GFOD1: variants seen among roughly 807,000 people sequenced by gnomAD.
GFOD1 encodes glucose-fructose oxidoreductase domain-containing protein 1.
Under a neutral mutation model 25.4 loss-of-function variants are expected in GFOD1, and 9 were observed. The observed-to-expected ratio is 0.35, with a 90% CI of 0.21 to 0.62. GFOD1 has a LOEUF of 0.62. Among genes scored for constraint, GFOD1 ranks in the 20% least tolerant of loss-of-function variants. The probability of loss-of-function intolerance (pLI) is 0.72; values close to 1 mark genes in which losing one functional copy is unlikely to be tolerated. For synonymous variants in GFOD1, 253 were observed against 245.6 expected (o/e 1.03, Z -0.28); for missense variants, 403 against 556.9 (o/e 0.72, Z 2.78).
At chr6:13,436,881 AT>A (rs1562218782) in intron 1 of GFOD1, among the ~76,000 whole-genome samples, 2 of 152,208 alleles carry the variant, frequency 1.3e-5, no homozygotes, top group Non-Finnish European at 2.9e-5. Context: ...TTTATGTGAC[AT>A]TCTATCAAAG....
intron 1 of GFOD1, among the ~76,000 whole-genome samples, chr6:13,414,833 T>G (rs1259289718): frequency 6.6e-6 from 1 of 152,206 alleles, no homozygotes; most frequent in Non-Finnish European, 1.5e-5. Flanking sequence ...AAATTAGATT[T>G]TCTTGGGTGG....
At chr6:13,379,880 A>C (rs1490910307) in intron 1 of GFOD1, among the ~76,000 whole-genome samples, 1 of 152,164 alleles carries the variant, frequency 6.6e-6, no homozygotes, top group Non-Finnish European at 1.5e-5. Flanking sequence ...AAGTGAAATG[A>C]GGGTCAGGGG....
rs9463694 is a variant in GFOD1, at chr6:13,361,228, A to C, written c.*3515T>G. On this transcript the variant is annotated 3_prime_UTR_variant, in exon 2 of 2. Transcript: ENST00000379287. ...AATGCAATTGTCTGTTGAGAGGAGA[A>C]GTCTTGGAGGAGCTGACAGTGATCA... The C allele has an allele frequency of 0.019, 4,156 of 214,094 alleles. 70 individuals carry two copies. Among genetic ancestry groups the C allele is most frequent in the African/African-American group, 0.031 (1,322 of 42,972 alleles). 13.3% of individuals were successfully genotyped at this position (214,094 alleles called of 1,614,324 possible).
At position 13,361,378 on chromosome 6, in the gene GFOD1, G is replaced by T. The variant is rs73364951; in HGVS notation, c.*3365C>A. 6.3e-6 allele frequency: 1 copy of T among 157,510 alleles called. No individual in the cohort carries two copies. The highest frequency in any genetic ancestry group is 1.4e-5 in the Non-Finnish European group (1 of 71,104). 9.8% of individuals were successfully genotyped at this position (157,510 alleles called of 1,614,324 possible). ...AGGCCATTCGCACATTGATGGGAAC[G>T]AAACAGGCATGCAGGAACTAAATGG... On this transcript the variant is annotated 3_prime_UTR_variant, in exon 2 of 2. Transcript: ENST00000379287.
intron 1 of GFOD1, among the ~76,000 whole-genome samples, chr6:13,455,308 T>C (rs1758169281): frequency 6.6e-6 from 1 of 152,190 alleles, no homozygotes; most frequent in South Asian, 2.1e-4. Flanking sequence ...CTAAATCACC[T>C]TGGTAATTCC....
chr6:13,402,711 C>T (rs142689478), intron 1 of GFOD1, among the ~76,000 whole-genome samples: 214 of 152,184 alleles, frequency 1.4e-3, no homozygotes, highest in African/African-American at 4.9e-3. Flanking sequence ...TAATTGGAAC[C>T]CTCAAACATT....
At chr6:13,394,179 C>A (rs4715251) in intron 1 of GFOD1, among the ~76,000 whole-genome samples, 1 of 151,924 alleles carries the variant, frequency 6.6e-6, no homozygotes, top group African/African-American at 2.4e-5. Context: ...CACACATTAT[C>A]TTTTTCATAA....
At chr6:13,388,999 A>C (rs1293765331) in intron 1 of GFOD1, among the ~76,000 whole-genome samples, 1 of 152,268 alleles carries the variant, frequency 6.6e-6, no homozygotes, top group Non-Finnish European at 1.5e-5. Context: ...TGCAGCCAAC[A>C]GACACATGAA....
At chr6:13,372,647 C>A (rs1347137488) in intron 1 of GFOD1, among the ~76,000 whole-genome samples, 2 of 152,198 alleles carry the variant, frequency 1.3e-5, no homozygotes, top group Admixed American at 6.5e-5. Context: ...AGAGCAGGTA[C>A]CCGTTGCTGC....
chr6:13,478,840 G>A (rs954537624), intron 1 of GFOD1, among the ~76,000 whole-genome samples: 1 of 152,138 alleles, frequency 6.6e-6, no homozygotes, highest in African/African-American at 2.4e-5. Flanking sequence ...AGGGTTTCTG[G>A]TTTCCAGGTA....
intron 1 of GFOD1, among the ~76,000 whole-genome samples, chr6:13,407,020 T>C (rs1465441892): frequency 6.6e-6 from 1 of 152,232 alleles, no homozygotes; most frequent in Non-Finnish European, 1.5e-5. Flanking sequence ...TTCTGGCCAA[T>C]GGGATGTGAA....
chr6:13,459,343 T>C (rs6458842), intron 1 of GFOD1, among the ~76,000 whole-genome samples: 65,159 of 127,426 alleles, frequency 0.51, 18,683 homozygotes, highest in Middle Eastern at 0.71. Context: ...TTACACCTTA[T>C]ACAAAAATTA....
chr6:13,423,854 T>G (rs1011424240), intron 1 of GFOD1, among the ~76,000 whole-genome samples: 2 of 150,962 alleles, frequency 1.3e-5, no homozygotes, highest in African/African-American at 4.9e-5. Flanking sequence ...CCTTTCTTTT[T>G]GTTTGTTTTT....
chr6:13,408,174 C>A, intron 1 of GFOD1: 1 of 760,218 alleles, frequency 1.3e-6, no homozygotes, highest in Non-Finnish European at 1.6e-6. Flanking sequence ...ATAGCCTCTG[C>A]CTGATCAGAA....
chr6:13,469,923 T>C, intron 1 of GFOD1: 1 of 1,302,846 alleles, frequency 7.7e-7, no homozygotes, highest in Non-Finnish European at 1.0e-6. Flanking sequence ...AATGCTAGTT[T>C]CTCTTCTCTT....
At chr6:13,462,979 A>C (rs1199380471) in intron 1 of GFOD1, among the ~76,000 whole-genome samples, 1 of 152,254 alleles carries the variant, frequency 6.6e-6, no homozygotes, top group African/African-American at 2.4e-5. Flanking sequence ...AAGTCAGCGA[A>C]GATGGGCTGC....
At chr6:13,380,811 C>T (rs1450405514) in intron 1 of GFOD1, among the ~76,000 whole-genome samples, 5 of 152,178 alleles carry the variant, frequency 3.3e-5, no homozygotes, top group South Asian at 4.1e-4. Context: ...GGCTGAGGAT[C>T]GCTGGGAAAT....
intron 1 of GFOD1, among the ~76,000 whole-genome samples, chr6:13,435,791 A>C (rs1235274912): frequency 6.6e-6 from 1 of 152,228 alleles, no homozygotes; most frequent in African/African-American, 2.4e-5. Context: ...TTGACTAATA[A>C]ATTTGGAAAA....
rs563983210 is a variant in GFOD1, at chr6:13,434,383, T to C, written c.253+52255A>G. Reference sequence around the variant, plus strand: ...TATGGGAACACAGGAATCAAGTGCATGGCATTATGAGAACACAAATCAAGT... The same window carrying C: ...TATGGGAACACAGGAATCAAGTGCACGGCATTATGAGAACACAAATCAAGT... On this transcript the variant is annotated intron_variant, in intron 1 of 1. Transcript: ENST00000379287. Among the ~76,000 whole-genome samples the C allele has an allele frequency of 1.9e-4, 25 of 130,038 alleles. No homozygotes were observed. The East Asian group carries it at 5.3e-3, about 28-fold the overall frequency. 85.3% of individuals were successfully genotyped at this position (130,038 alleles called of 152,430 possible).
Sources: allele counts gnomAD v4.1 joint callset (sites outside exome capture counted in the v4.1 genomes callset), GRCh38; gene constraint gnomAD v4.1.1; transcripts MANE v1.5; gene names NCBI Gene and HGNC (gene_info 2026-07-23, HGNC 2026-07-21).